ADGRV1: variants seen among roughly 807,000 people sequenced by gnomAD.
ADGRV1 encodes the protein adhesion G protein-coupled receptor V1, also known as G-protein coupled receptor 98.
ADGRV1 carries 359 observed loss-of-function variants against 596.2 expected under a neutral mutation model. The ratio of observed to expected loss-of-function variants is 0.60; its 90% CI spans 0.55 to 0.66. The LOEUF is 0.66. Ranked by LOEUF, ADGRV1 falls within the 30% of genes least tolerant of loss-of-function variation. The pLI is 0.00. For missense variants in ADGRV1, 7,274 were observed against 7,575.6 expected, an observed-to-expected ratio of 0.96 and a Z score of 1.48; for synonymous variants, 2,681 against 2,679.2, an observed-to-expected ratio of 1.00 and a Z score of -0.02.
intron 59 of ADGRV1, among the ~76,000 whole-genome samples, chr5:90,765,893 ATTTAT>A (rs1757067390): frequency 6.6e-6 from 1 of 150,438 alleles, no homozygotes; most frequent in Non-Finnish European, 1.5e-5. Context: ...TTTTTTAAAA[ATTTAT>A]TTTATTTTAT....
chr5:90,833,227 A>ACATTAAAT (rs140252842), intron 77 of ADGRV1, among the ~76,000 whole-genome samples: 4,305 of 152,190 alleles, frequency 0.028, 271 homozygotes, highest in East Asian at 0.28. Flanking sequence ...CAATCCATGA[A>ACATTAAAT]CATTAAATAT....
At chr5:90,690,172 A>G (rs950963270) in intron 30 of ADGRV1, 96 bp downstream of exon 30, 30 of 723,880 alleles carry the variant, frequency 4.1e-5, no homozygotes, top group Non-Finnish European at 6.4e-5. Context: ...TGATCTGATC[A>G]TGCTTTCTTT....
At chr5:90,910,775 T>G (rs1772815442) in intron 83 of ADGRV1, among the ~76,000 whole-genome samples, 1 of 152,128 alleles carries the variant, frequency 6.6e-6, no homozygotes, top group Admixed American at 6.6e-5. Flanking sequence ...GTTTCTTTAA[T>G]AACAAGAAAC....
intron 87 of ADGRV1, among the ~76,000 whole-genome samples, chr5:91,140,273 T>C (rs1019054456): frequency 6.6e-6 from 1 of 152,184 alleles, no homozygotes; most frequent in African/African-American, 2.4e-5. Context: ...GGTCATCAAA[T>C]TTTCCCCTTT....
intron 83 of ADGRV1, among the ~76,000 whole-genome samples, chr5:90,924,587 G>A (rs1462572139): frequency 6.6e-6 from 1 of 150,644 alleles, no homozygotes; most frequent in African/African-American, 2.4e-5. Context: ...TAGGTTGCCT[G>A]TTCACTCTGA....
intron 34 of ADGRV1, among the ~76,000 whole-genome samples, chr5:90,702,867 A>C (rs1748085890): frequency 6.6e-6 from 1 of 151,964 alleles, no homozygotes; most frequent in Non-Finnish European, 1.5e-5. Context: ...TTAGTGATAC[A>C]GTTCATTGGT....
At chr5:91,053,441 G>A (rs896095992) in intron 85 of ADGRV1, among the ~76,000 whole-genome samples, 14 of 152,114 alleles carry the variant, frequency 9.2e-5, no homozygotes, top group African/African-American at 3.1e-4. Context: ...TGGCCCCAGA[G>A]AAACAAAGAT....
At position 91,146,566 on chromosome 5, in the gene ADGRV1, A is replaced by G. The variant is rs537372512; in HGVS notation, c.18433-3464A>G. ...ACTGAATTCTGCTGAGTCCCTACCC[A>G]GTGATTCTATTTTCAAATGAGATAA... On this transcript the variant is annotated intron_variant, in intron 87 of 89. Coordinates refer to ENST00000405460, the MANE Select transcript of ADGRV1 (RefSeq NM_032119.4). 9.5e-4 allele frequency among the ~76,000 whole-genome samples: 144 copies of G among 152,330 alleles called. 1 individual carries two copies. The highest frequency in any genetic ancestry group is 3.3e-3 in the African/African-American group (138 of 41,566).
At chr5:90,788,883 C>G (rs1225679866) in intron 68 of ADGRV1, among the ~76,000 whole-genome samples, 1 of 151,818 alleles carries the variant, frequency 6.6e-6, no homozygotes, top group Non-Finnish European at 1.5e-5. Context: ...CACACACACA[C>G]ACACACACAC....
At chr5:91,029,791 T>C (rs570085778) in intron 85 of ADGRV1, among the ~76,000 whole-genome samples, 65 of 152,252 alleles carry the variant, frequency 4.3e-4, no homozygotes, top group African/African-American at 1.5e-3. Flanking sequence ...TTAAATTCCA[T>C]ATATCAAATG....
At chr5:90,998,512 A>G (rs909701803) in intron 85 of ADGRV1, among the ~76,000 whole-genome samples, 1 of 151,966 alleles carries the variant, frequency 6.6e-6, no homozygotes, top group Admixed American at 6.6e-5. Flanking sequence ...GTAATGTTCT[A>G]TTGTGTTGAT....
intron 75 of ADGRV1, among the ~76,000 whole-genome samples, chr5:90,816,584 C>T (rs1397166695): frequency 7.0e-6 from 1 of 143,412 alleles, no homozygotes; most frequent in African/African-American, 2.6e-5. Context: ...ACAACAGTCC[C>T]CAGTGGGTGA....
At chr5:91,153,443 T>C in intron 89 of ADGRV1, 45 bp downstream of exon 89, 1 of 1,362,156 alleles carries the variant, frequency 7.3e-7, no homozygotes, top group Non-Finnish European at 1.0e-6. Flanking sequence ...GCACTCTTGC[T>C]ATGTTACAAT....
intron 78 of ADGRV1, among the ~76,000 whole-genome samples, chr5:90,846,919 C>T (rs1399590584): frequency 1.3e-5 from 2 of 152,166 alleles, no homozygotes; most frequent in African/African-American, 4.8e-5. Context: ...TTTATAATCC[C>T]TGAGCTAGAC....
In ADGRV1 at chr5:90,791,135, A is replaced by G. The variant is rs1316568995; in HGVS notation, c.14306A>G (p.Asp4769Gly). ...CATGGAGTATTTGCCCTGTATTCGG[A>G]TCGCCAGTCAATACTTATTGGGCAG... ...DPHGVFALYS[D>G]RQSILIGQNL... The change falls in exon 70 of 90, where the codon GAT becomes GGT. Residue 4769 changes from aspartate to glycine, a missense_variant. Asp to Gly is a moderately conservative substitution (Grantham distance 94). Around this residue, in one of 5 missense-constraint regions of ADGRV1, gnomAD observed 1,874 missense variants for 1,970.2 expected, o/e 0.95. Coordinates refer to ENST00000405460, the MANE Select transcript of ADGRV1 (RefSeq NM_032119.4). The G allele has an allele frequency of 6.2e-7, 1 of 1,613,964 alleles. No homozygotes were observed. The highest frequency in any genetic ancestry group is 8.5e-7 in the Non-Finnish European group (1 of 1,179,894).
chr5:90,764,850 G>A (rs566141255), intron 59 of ADGRV1, among the ~76,000 whole-genome samples: 6 of 152,286 alleles, frequency 3.9e-5, no homozygotes, highest in Non-Finnish European at 7.4e-5. Context: ...TTGGGTCTGA[G>A]GGAAACATAG....
At chr5:91,089,170 G>A (rs1229146538) in intron 86 of ADGRV1, among the ~76,000 whole-genome samples, 1 of 152,142 alleles carries the variant, frequency 6.6e-6, no homozygotes, top group African/African-American at 2.4e-5. Flanking sequence ...TTTGTGGTCA[G>A]TCGTTGTTGT....
intron 78 of ADGRV1, among the ~76,000 whole-genome samples, chr5:90,845,779 A>G (rs893325749): frequency 4.6e-5 from 7 of 152,052 alleles, no homozygotes; most frequent in Admixed American, 6.6e-5. Flanking sequence ...TATATATAGA[A>G]TTATATCTTA....
At chr5:90,570,934 G>T (rs1756446619) in intron 1 of ADGRV1, among the ~76,000 whole-genome samples, 1 of 151,992 alleles carries the variant, frequency 6.6e-6, no homozygotes, top group South Asian at 2.1e-4. Context: ...GTTCTCCAGG[G>T]ACAGTATTTA....
Sources: allele counts gnomAD v4.1 joint callset (sites outside exome capture counted in the v4.1 genomes callset), GRCh38; gene constraint gnomAD v4.1.1; regional missense constraint gnomAD v4.1.1; transcripts MANE v1.5; gene names NCBI Gene and HGNC (gene_info 2026-07-23, HGNC 2026-07-21).